The following BICC1 variants were observed in gnomAD, a reference collection of about 807,000 sequenced individuals.
BICC1 encodes the protein protein bicaudal C homolog 1.
BICC1 carries 43 observed loss-of-function variants against 111.0 expected under a neutral mutation model. That is an observed-to-expected ratio of 0.39 (90% confidence interval 0.30 to 0.50). The LOEUF (loss-of-function observed/expected upper bound fraction) is 0.50, where lower values mean the gene tolerates loss of function less well. Ranked by LOEUF, BICC1 falls within the 20% of genes least tolerant of loss-of-function variation. The probability of loss-of-function intolerance (pLI) is 0.88; values close to 1 mark genes in which losing one functional copy is unlikely to be tolerated. For missense variants in BICC1, 1,091 were observed against 1,203.2 expected (o/e 0.91, Z 1.38); for synonymous variants, 467 against 434.4 (o/e 1.07, Z -0.93).
chr10:58,731,834 C>T (rs1841308160), intron 3 of BICC1, among the ~76,000 whole-genome samples: 2 of 152,008 alleles, frequency 1.3e-5, no homozygotes, highest in Admixed American at 1.3e-4. Context: ...GGTGTTAAAC[C>T]GTTCATGAAG....
chr10:58,720,247 G>A (rs1222491945), intron 3 of BICC1, among the ~76,000 whole-genome samples: 1 of 152,064 alleles, frequency 6.6e-6, no homozygotes, highest in African/African-American at 2.4e-5. Flanking sequence ...AGTTACTTTG[G>A]TGTACTCTTT....
chr10:58,694,033 C>A (rs879689460), intron 2 of BICC1, among the ~76,000 whole-genome samples: 2 of 152,020 alleles, frequency 1.3e-5, no homozygotes, highest in Non-Finnish European at 2.9e-5. Context: ...CCCTTCCTTG[C>A]TCATATCAAT....
At chr10:58,748,681 T>A (rs1841903435) in intron 3 of BICC1, among the ~76,000 whole-genome samples, 1 of 152,126 alleles carries the variant, frequency 6.6e-6, no homozygotes, top group South Asian at 2.1e-4. Context: ...ATTCTTAACT[T>A]CTCTGGAGCA....
At chr10:58,552,371 T>C (rs1843317851) in intron 1 of BICC1, among the ~76,000 whole-genome samples, 1 of 152,126 alleles carries the variant, frequency 6.6e-6, no homozygotes, top group Admixed American at 6.6e-5. Context: ...AGTCTTGCAC[T>C]GTCACGCAGG....
intron 1 of BICC1, among the ~76,000 whole-genome samples, chr10:58,539,486 C>A (rs1658459): frequency 0.46 from 69,490 of 150,968 alleles, 17,034 homozygotes; most frequent in Admixed American, 0.62. Context: ...TCCATGGTAC[C>A]GTTCATCCAT....
chr10:58,618,188 G>A (rs1012915497), intron 1 of BICC1, among the ~76,000 whole-genome samples: 1 of 152,196 alleles, frequency 6.6e-6, no homozygotes, highest in Non-Finnish European at 1.5e-5. Context: ...TATGTATGAG[G>A]CCTGTGTGTT....
At chr10:58,687,443 G>A (rs183264573) in intron 2 of BICC1, among the ~76,000 whole-genome samples, 56 of 152,304 alleles carry the variant, frequency 3.7e-4, no homozygotes, top group African/African-American at 1.2e-3. Flanking sequence ...GCTGCCTTTT[G>A]TTCAGCTATG....
intron 2 of BICC1, among the ~76,000 whole-genome samples, chr10:58,630,546 A>G (rs1419705284): frequency 6.6e-6 from 1 of 152,082 alleles, no homozygotes; most frequent in Non-Finnish European, 1.5e-5. Flanking sequence ...CTCCCACCTT[A>G]GCCTCCTGAG....
intron 3 of BICC1, among the ~76,000 whole-genome samples, chr10:58,759,864 C>T (rs776280486): frequency 6.6e-5 from 10 of 151,360 alleles, no homozygotes; most frequent in Non-Finnish European, 1.2e-4. Context: ...GAGGCTGAGG[C>T]AGGGGAATGG....
intron 3 of BICC1, among the ~76,000 whole-genome samples, chr10:58,761,978 A>G (rs528250030): frequency 6.6e-6 from 1 of 152,292 alleles, no homozygotes; most frequent in African/African-American, 2.4e-5. Context: ...GACTGTAGAA[A>G]TCAGCTTTGT....
chr10:58,648,450 A>G, intron 2 of BICC1: 1 of 929,888 alleles, frequency 1.1e-6, no homozygotes, highest in South Asian at 5.0e-5. Context: ...CATTTATTAT[A>G]CACAGAGTTA....
chr10:58,524,631 C>T (rs1296071143), intron 1 of BICC1, among the ~76,000 whole-genome samples: 2 of 151,972 alleles, frequency 1.3e-5, no homozygotes, highest in African/African-American at 2.4e-5. Flanking sequence ...TAGGCATTAC[C>T]ATTCAGGACA....
At chr10:58,795,393 G>T (rs1332925506) in intron 9 of BICC1, among the ~76,000 whole-genome samples, 2 of 152,176 alleles carry the variant, frequency 1.3e-5, no homozygotes, top group Non-Finnish European at 2.9e-5. Context: ...GAAGCTTCAT[G>T]TGTGACTAAT....
chr10:58,734,262 C>T (rs774220965), intron 3 of BICC1, among the ~76,000 whole-genome samples: 1 of 152,222 alleles, frequency 6.6e-6, no homozygotes, highest in South Asian at 2.1e-4. Flanking sequence ...TCCAATTAAA[C>T]TCTTGAGAGT....
Position 58,513,049 on chromosome 10 carries a change from G to C in BICC1, c.-95G>C. 1 of 991,956 alleles carries C rather than the reference G, an allele frequency of 1.0e-6. No homozygotes were observed. The highest frequency in any genetic ancestry group is 1.3e-6 in the Non-Finnish European group (1 of 775,556). The allele number at this position is 991,956 out of a possible 1,614,324, so 61.4% of individuals were successfully genotyped here. ...CTGCAGGGGGACGAGCTAGCGCCGC[G>C]GCGCTGGGAGCCAGTTGAGCCCGGC... On this transcript the variant is annotated 5_prime_UTR_variant, in exon 1 of 21. Coordinates refer to ENST00000373886, the MANE Select transcript of BICC1 (RefSeq NM_001080512.3).
At chr10:58,657,800 T>A (rs1297584272) in intron 2 of BICC1, among the ~76,000 whole-genome samples, 1 of 25,534 alleles carries the variant, frequency 3.9e-5, no homozygotes, top group Non-Finnish European at 7.8e-5. Flanking sequence ...TATATAAAGA[T>A]CACTCATATT....
chr10:58,530,205 T>A (rs1021241267), intron 1 of BICC1, among the ~76,000 whole-genome samples: 3 of 151,788 alleles, frequency 2.0e-5, no homozygotes, highest in African/African-American at 7.3e-5. Context: ...CTGGGTCACG[T>A]ACCTCCACCC....
intron 1 of BICC1, among the ~76,000 whole-genome samples, chr10:58,551,542 G>C (rs1310607168): frequency 6.6e-6 from 1 of 152,074 alleles, no homozygotes; most frequent in African/African-American, 2.4e-5. Flanking sequence ...CAAGTATACA[G>C]TACATTGTTA....
At chr10:58,605,111 G>A (rs1845167042) in intron 1 of BICC1, among the ~76,000 whole-genome samples, 1 of 152,200 alleles carries the variant, frequency 6.6e-6, no homozygotes, top group Non-Finnish European at 1.5e-5. Flanking sequence ...TTAGACCAGA[G>A]CAAATGGTCT....
Sources: allele counts gnomAD v4.1 joint callset (sites outside exome capture counted in the v4.1 genomes callset), GRCh38; gene constraint gnomAD v4.1.1; transcripts MANE v1.5; gene names NCBI Gene and HGNC (gene_info 2026-07-23, HGNC 2026-07-21).